CBLB: variants seen among roughly 807,000 people sequenced by gnomAD.
The protein encoded by CBLB is Cbl proto-oncogene B, also known as E3 ubiquitin-protein ligase CBL-B.
A neutral mutation model predicts 104.9 loss-of-function variants in CBLB; 31 were observed. The observed-to-expected ratio is 0.30, with a 90% confidence interval of 0.22 to 0.40. The LOEUF is 0.40. CBLB is among the 10% of genes least tolerant of loss of function. The pLI is 1.00. For missense variants in CBLB, 1,062 were observed against 1,214.6 expected (o/e 0.87, Z 1.87); for synonymous variants, 440 against 422.6 (o/e 1.04, Z -0.51).
intron 2 of CBLB, among the ~76,000 whole-genome samples, chr3:105,855,001 T>A (rs552718956): frequency 6.6e-6 from 1 of 152,298 alleles, no homozygotes; most frequent in African/African-American, 2.4e-5. Flanking sequence ...GCTGTGGGTA[T>A]TTTTGGAATC....
chr3:105,693,682 G>C, intron 12 of CBLB, 94 bp from the exon 13 acceptor site: 1 of 791,958 alleles, frequency 1.3e-6, no homozygotes, highest in Non-Finnish European at 2.2e-6. Context: ...CAATATGTAA[G>C]TTCAGTATAT....
intron 3 of CBLB, among the ~76,000 whole-genome samples, chr3:105,809,908 G>GAC (rs1194556975): frequency 6.6e-6 from 1 of 152,054 alleles, no homozygotes; most frequent in African/African-American, 2.4e-5. Flanking sequence ...AAAAAGATGG[G>GAC]ACATTTAGAA....
chr3:105,853,263 A>C (rs996739863), intron 3 of CBLB, 151 bp downstream of exon 3: 7 of 771,386 alleles, frequency 9.1e-6, no homozygotes, highest in South Asian at 8.9e-5. Flanking sequence ...CATTTCTTGT[A>C]AAGTATCCCC....
chr3:105,692,603 C>T (rs1010783169), intron 13 of CBLB, among the ~76,000 whole-genome samples: 1 of 151,946 alleles, frequency 6.6e-6, no homozygotes, highest in Non-Finnish European at 1.5e-5. Flanking sequence ...TTAGGAATCA[C>T]TAAAAAATAT....
At chr3:105,665,104 T>C (rs2064225212) in intron 18 of CBLB, among the ~76,000 whole-genome samples, 1 of 152,134 alleles carries the variant, frequency 6.6e-6, no homozygotes, top group African/African-American at 2.4e-5. Flanking sequence ...AAATTGACAT[T>C]AATAGTATCT....
At chr3:105,678,302 A>G in intron 17 of CBLB, 129 bp downstream of exon 17, 1 of 879,782 alleles carries the variant, frequency 1.1e-6, no homozygotes, top group South Asian at 1.4e-5. Flanking sequence ...TGCTACTTTT[A>G]CCACCCAGGG....
intron 2 of CBLB, among the ~76,000 whole-genome samples, 177 bp from the exon 3 acceptor site, chr3:105,853,841 T>C (rs2091259945): frequency 6.6e-6 from 1 of 152,170 alleles, no homozygotes; most frequent in East Asian, 1.9e-4. Flanking sequence ...ATAAATCCTA[T>C]TCTGTTCTCC....
intron 3 of CBLB, among the ~76,000 whole-genome samples, chr3:105,827,167 T>C (rs2086714234): frequency 1.3e-5 from 2 of 152,062 alleles, no homozygotes; most frequent in Non-Finnish European, 2.9e-5. Context: ...TTCAACACAA[T>C]GAAACATAAC....
At chr3:105,857,686 C>T (rs974196133) in intron 2 of CBLB, among the ~76,000 whole-genome samples, 1 of 152,084 alleles carries the variant, frequency 6.6e-6, no homozygotes, top group Non-Finnish European at 1.5e-5. Context: ...TTATTTTATT[C>T]CATTTGCAAA....
intron 8 of CBLB, among the ~76,000 whole-genome samples, chr3:105,735,765 G>C (rs1185924836): frequency 6.6e-6 from 1 of 152,148 alleles, no homozygotes; most frequent in African/African-American, 2.4e-5. Context: ...GACCAACATG[G>C]AGAAACCCCA....
chr3:105,741,577 T>C (rs1401606232), intron 6 of CBLB, among the ~76,000 whole-genome samples: 2 of 152,198 alleles, frequency 1.3e-5, no homozygotes, highest in Non-Finnish European at 2.9e-5. Context: ...TTTGTATTTT[T>C]AGTAGAGATG....
chr3:105,838,161 T>C (rs896645855), intron 3 of CBLB, among the ~76,000 whole-genome samples: 2 of 146,714 alleles, frequency 1.4e-5, no homozygotes, highest in East Asian at 4.0e-4. Context: ...CAGCTCACAG[T>C]AGCCTCAACC....
chr3:105,792,934 A>G lies in CBLB; in HGVS notation c.420-16392T>C, dbSNP rs542032011. Among the ~76,000 whole-genome samples the G allele has an allele frequency of 2.6e-5, 4 of 152,292 alleles. No homozygotes were observed. In the South Asian group the frequency reaches 8.3e-4, roughly 32 times the overall value. On this transcript the variant is annotated intron_variant, in intron 3 of 18. Transcript: ENST00000394030. ...GTAAGACCAACCAGTAAAGAAATAA[A>G]AAAGTATTTTCTCCAAATGCACCAC...
Position 105,868,814 on chromosome 3 carries a change from G to A in CBLB, c.-93C>T. On this transcript the variant is annotated 5_prime_UTR_variant, in exon 1 of 19. Transcript: ENST00000394030. ...ACGCACGCAGCCCAGTGTGTGTGGG[G>A]AGCCCCGGCTGGGAGTGGGATCGCT... 1.0e-6 allele frequency: 1 copy of A among 995,964 alleles called. No homozygotes were observed. Among genetic ancestry groups the A allele is most frequent in the South Asian group, 4.4e-5 (1 of 22,714 alleles). The allele number at this position is 995,964 out of a possible 1,614,324, so 61.7% of individuals were successfully genotyped here.
intron 3 of CBLB, among the ~76,000 whole-genome samples, chr3:105,781,725 G>A (rs1188043957): frequency 6.6e-6 from 1 of 152,156 alleles, no homozygotes; most frequent in African/African-American, 2.4e-5. Context: ...TTTAAATGCT[G>A]AATTAGTAAA....
At chr3:105,747,773 G>C (rs2076248071) in intron 5 of CBLB, among the ~76,000 whole-genome samples, 1 of 151,950 alleles carries the variant, frequency 6.6e-6, no homozygotes, top group Non-Finnish European at 1.5e-5. Context: ...ACAAATATTT[G>C]GGTCACTTCC....
chr3:105,700,250 T>A (rs914577471), intron 12 of CBLB, among the ~76,000 whole-genome samples: 1 of 152,100 alleles, frequency 6.6e-6, no homozygotes, highest in African/African-American at 2.4e-5. Flanking sequence ...GAGGGCAAAT[T>A]TATAATAGCA....
chr3:105,770,792 C>A (rs1274211223), intron 4 of CBLB, among the ~76,000 whole-genome samples: 1 of 152,156 alleles, frequency 6.6e-6, no homozygotes, highest in South Asian at 2.1e-4. Context: ...CTAAACCAAG[C>A]ATTGTTAGCA....
chr3:105,678,481 C>A lies in CBLB; in HGVS notation c.2519G>T (p.Gly840Val), dbSNP rs1410358817. 6.2e-7 allele frequency: 1 copy of A among 1,613,810 alleles called. No individual in the cohort carries two copies. Residue 840 changes from glycine (G) to valine (V), a missense_variant, in exon 17 of 19, where the codon GGC (glycine) becomes GTC (valine). Gly to Val is a moderately radical substitution (Grantham distance 109). Transcript: ENST00000394030. ...TCCTGAGGATGGCCGGCTACTGGAG[C>A]CAGGAGGTTTTGAATGTTCAATGAG... The part of the protein sequence containing the change: ...HSLIEHSKPP[G>V]SSSRPSSGQD...
Sources: allele counts gnomAD v4.1 joint callset (sites outside exome capture counted in the v4.1 genomes callset), GRCh38; gene constraint gnomAD v4.1.1; transcripts MANE v1.5; gene names NCBI Gene and HGNC (gene_info 2026-07-23, HGNC 2026-07-21).